The following GPC3 variants were observed in gnomAD, a reference collection of about 807,000 sequenced individuals.
The protein encoded by GPC3 is glypican 3.
In GPC3, 3 loss-of-function variants were observed where a neutral mutation model predicts 34.4. The ratio of observed to expected loss-of-function variants is 0.09; its 90% confidence interval spans 0.04 to 0.23. The LOEUF (loss-of-function observed/expected upper bound fraction) is 0.23. GPC3 is among the 10% of genes least tolerant of loss of function. The probability of loss-of-function intolerance (pLI) is 1.00; values close to 1 mark genes in which losing one functional copy is unlikely to be tolerated. For missense variants in GPC3, 351 were observed against 445.6 expected, an observed-to-expected ratio of 0.79 and a Z score of 1.91; for synonymous variants, 177 against 174.0, an observed-to-expected ratio of 1.02 and a Z score of -0.13.
At chrX:133,626,733 C>T (rs748978750) in intron 6 of GPC3, among the ~76,000 whole-genome samples, 1 of 107,096 alleles carries the variant, frequency 9.3e-6, no homozygotes, top group Non-Finnish European at 1.9e-5. Context: ...TATACTAGAT[C>T]AACCATTGTG....
intron 6 of GPC3, among the ~76,000 whole-genome samples, chrX:133,597,335 C>T (rs1334841906): frequency 9.0e-6 from 1 of 111,444 alleles, no homozygotes; most frequent in Non-Finnish European, 1.9e-5. Flanking sequence ...CCCAGCACAC[C>T]GCACGAAGGG....
chrX:133,687,891 AC>A (rs1017542222), intron 5 of GPC3, among the ~76,000 whole-genome samples: 1 of 112,630 alleles, frequency 8.9e-6, no homozygotes, highest in African/African-American at 3.2e-5. Context: ...AGAAACTAAA[AC>A]TAATTTATAG....
At chrX:133,644,905 C>G (rs1160718501) in intron 6 of GPC3, among the ~76,000 whole-genome samples, 1 of 110,787 alleles carries the variant, frequency 9.0e-6, no homozygotes, top group Non-Finnish European at 1.9e-5. Flanking sequence ...CTCAGCCTCC[C>G]AGGTAGCTGG....
intron 2 of GPC3, among the ~76,000 whole-genome samples, chrX:133,910,809 A>G: frequency 8.9e-6 from 1 of 112,016 alleles, no homozygotes; most frequent in South Asian, 3.7e-4. Context: ...ATGTAACCCT[A>G]GTTGCTGATC....
Position 133,629,388 on chromosome X carries a change from TTTTG to T in GPC3, c.1413+32338_1413+32341del, listed in dbSNP as rs376115590. On this transcript the variant is annotated intron_variant, in intron 6 of 7. Transcript: ENST00000370818. ...CCAGCTCTGACAGTCTATGATTCTT[TTTTG>T]TTTGTTTGTTTGTTTGTTTTTGAGA... is the stretch of plus-strand genomic sequence containing the variant. 8.7e-3 allele frequency among the ~76,000 whole-genome samples: 961 copies of T among 110,528 alleles called. 15 individuals carry two copies. Among genetic ancestry groups the T allele is most frequent in the African/African-American group, 0.029 (866 of 29,944 alleles).
At chrX:133,729,809 A>G (rs750779913) in intron 3 of GPC3, among the ~76,000 whole-genome samples, 122 of 112,189 alleles carry the variant, frequency 1.1e-3, no homozygotes, top group Non-Finnish European at 1.9e-3. Context: ...GTTCTTTTCT[A>G]CGCATATTTT....
intron 3 of GPC3, among the ~76,000 whole-genome samples, chrX:133,734,675 C>T (rs1168008558): frequency 9.0e-6 from 1 of 111,441 alleles, no homozygotes; most frequent in African/African-American, 3.3e-5. Context: ...TCTGTATTTG[C>T]AGATAATGTT....
chrX:133,914,210 T>A (rs1159598195), intron 2 of GPC3, among the ~76,000 whole-genome samples: 1 of 111,354 alleles, frequency 9.0e-6, no homozygotes, highest in African/African-American at 3.3e-5. Flanking sequence ...GAGTCTCTAA[T>A]CCCTATAACA....
intron 2 of GPC3, among the ~76,000 whole-genome samples, chrX:133,829,709 AT>A (rs1214212567): frequency 1.8e-5 from 2 of 112,288 alleles, no homozygotes; most frequent in Admixed American, 1.9e-4. Flanking sequence ...AAAGAAAAAA[AT>A]AATATACTAT....
chrX:133,682,589 C>T (rs959602611), intron 5 of GPC3, among the ~76,000 whole-genome samples: 2 of 111,952 alleles, frequency 1.8e-5, no homozygotes, highest in Admixed American at 9.5e-5. Context: ...GGTATCATTA[C>T]TCCCATCTTA....
At chrX:133,850,473 C>G (rs1569444821) in intron 2 of GPC3, among the ~76,000 whole-genome samples, 1 of 110,480 alleles carries the variant, frequency 9.1e-6, no homozygotes, top group African/African-American at 3.3e-5. Context: ...ATATCACTAC[C>G]AAACACAGAA....
chrX:133,973,075 A>G (rs914303519), intron 1 of GPC3, among the ~76,000 whole-genome samples: 6 of 111,443 alleles, frequency 5.4e-5, no homozygotes, highest in African/African-American at 2.0e-4. Context: ...ACTTACATCC[A>G]AAGTGTAGGA....
At chrX:133,891,303 G>T (rs1311495102) in intron 2 of GPC3, among the ~76,000 whole-genome samples, 1 of 111,147 alleles carries the variant, frequency 9.0e-6, no homozygotes, top group Non-Finnish European at 1.9e-5. Context: ...GGAGATATGA[G>T]GGTGATTAGC....
chrX:133,737,458 TA>T (rs1434118252), intron 3 of GPC3, among the ~76,000 whole-genome samples: 1 of 111,764 alleles, frequency 8.9e-6, no homozygotes, highest in African/African-American at 3.3e-5. Flanking sequence ...GTGGAGGAGG[TA>T]AGAGGTATAA....
intron 2 of GPC3, among the ~76,000 whole-genome samples, chrX:133,910,884 G>A (rs2076195513): frequency 9.0e-6 from 1 of 111,678 alleles, no homozygotes; most frequent in Admixed American, 9.5e-5. Flanking sequence ...AACAGCCCAA[G>A]AGAATATTGA....
chrX:133,776,244 C>T (rs1018592430), intron 2 of GPC3, among the ~76,000 whole-genome samples: 3 of 111,580 alleles, frequency 2.7e-5, no homozygotes, highest in Non-Finnish European at 3.8e-5. Flanking sequence ...CAAAGAATCT[C>T]GTTACACAGA....
At chrX:133,823,076 C>A (rs1390791604) in intron 2 of GPC3, among the ~76,000 whole-genome samples, 1 of 84,622 alleles carries the variant, frequency 1.2e-5, no homozygotes, top group African/African-American at 4.7e-5. Context: ...TTGCAGTAAG[C>A]CAAGATCACG....
chrX:133,655,538 C>T (rs753248679), intron 6 of GPC3, among the ~76,000 whole-genome samples: 11 of 109,345 alleles, frequency 1.0e-4, no homozygotes, highest in South Asian at 4.0e-4. Flanking sequence ...ATTCTGGCTC[C>T]GTATGGAAAT....
intron 1 of GPC3, among the ~76,000 whole-genome samples, chrX:133,956,233 T>G (rs2076415820): frequency 8.9e-6 from 1 of 112,503 alleles, no homozygotes; most frequent in Non-Finnish European, 1.9e-5. Flanking sequence ...CAGATTTATC[T>G]CCTATAAATT....
Sources: allele counts gnomAD v4.1 joint callset (sites outside exome capture counted in the v4.1 genomes callset), GRCh38; gene constraint gnomAD v4.1.1; transcripts MANE v1.5; gene names NCBI Gene and HGNC (gene_info 2026-07-23, HGNC 2026-07-21).